The following CHRNA10 variants were observed in gnomAD, a reference collection of about 807,000 sequenced individuals.
CHRNA10 encodes cholinergic receptor nicotinic alpha 10 subunit, also known as neuronal acetylcholine receptor subunit alpha-10.
Under a neutral mutation model 36.0 loss-of-function variants are expected in CHRNA10, and 31 were observed. The observed-to-expected ratio is 0.86, with a 90% CI of 0.65 to 1.16. The LOEUF (loss-of-function observed/expected upper bound fraction) is 1.16, where lower values mean the gene tolerates loss of function less well. Among genes scored for constraint, CHRNA10 ranks in the 50% most tolerant of loss-of-function variants. CHRNA10 has a pLI of 0.00. For missense variants in CHRNA10, 648 were observed against 640.9 expected (o/e 1.01, Z -0.12); for synonymous variants, 302 against 287.0 (o/e 1.05, Z -0.53).
At chr11:3,668,211 G>T (rs1393695425) in intron 3 of CHRNA10, among the ~76,000 whole-genome samples, 1 of 152,188 alleles carries the variant, frequency 6.6e-6, no homozygotes, top group Admixed American at 6.5e-5. Context: ...GGGTACAGCA[G>T]ATTAATAAAC....
intron 4 of CHRNA10, among the ~76,000 whole-genome samples, chr11:3,666,799 C>T (rs1019871707): frequency 2.4e-4 from 37 of 152,150 alleles, no homozygotes; most frequent in Admixed American, 2.4e-3. Context: ...CTGGAGGCTG[C>T]ACTCATACAC....
intron 1 of CHRNA10, among the ~76,000 whole-genome samples, chr11:3,670,881 C>T (rs1241963437): frequency 6.6e-6 from 1 of 152,220 alleles, no homozygotes; most frequent in Non-Finnish European, 1.5e-5. Context: ...TCTACCCCTC[C>T]CATGCCCCAG....
chr11:3,666,064 G>A lies in CHRNA10; in HGVS notation c.*43C>T. ...TTGGCCGTGGCTGTCCCTTTCTGGA[G>A]GAGCTGTGGCTGCAGCAGATCCCTG... On this transcript the variant is annotated 3_prime_UTR_variant, in exon 5 of 5. Transcript: ENST00000250699. 1 of 1,485,856 alleles carries A rather than the reference G, an allele frequency of 6.7e-7. No individual in the cohort carries two copies. Among genetic ancestry groups the A allele is most frequent in the Non-Finnish European group, 9.0e-7 (1 of 1,115,288 alleles). 92.0% of individuals were successfully genotyped at this position (1,485,856 alleles called of 1,614,324 possible).
In CHRNA10 at chr11:3,667,146, C is replaced by T. The variant is rs117205648; in HGVS notation, c.895+86G>A. On this transcript the variant is annotated intron_variant, in intron 4 of 4. Transcript: ENST00000250699. ...CCCCTCTCACTTTCTGCAGTGGGGC[C>T]GTTCCGCAGACCCAGGCCCTGTCGC... 2,150 of 1,435,118 alleles carry T rather than the reference C, an allele frequency of 1.5e-3. 47 individuals are homozygous for T. In the East Asian group the frequency reaches 0.039, roughly 26 times the overall value. 88.9% of individuals were successfully genotyped at this position (1,435,118 alleles called of 1,614,324 possible).
intron 1 of CHRNA10, 57 bp downstream of exon 1, chr11:3,671,195 G>T: frequency 6.5e-7 from 1 of 1,542,598 alleles, no homozygotes. Context: ...GATTTTGGGA[G>T]AACAGGAATA....
intron 4 of CHRNA10, among the ~76,000 whole-genome samples, 190 bp from the exon 5 acceptor site, chr11:3,666,754 C>T (rs903571798): frequency 3.9e-5 from 6 of 152,132 alleles, no homozygotes; most frequent in Admixed American, 1.3e-4. Context: ...CGTGGGTCAT[C>T]GGAAGCTACT....
rs1159160432 is a variant in CHRNA10, at chr11:3,671,240, T to G, written c.61+12A>C. Reference sequence around the variant, plus strand: ...CCAGGAGAGGCCAGGGCTGGTGTACTGAGCTTCATACCTGCAGGGAGTAGA... The same window carrying G: ...CCAGGAGAGGCCAGGGCTGGTGTACGGAGCTTCATACCTGCAGGGAGTAGA... On this transcript the variant is annotated intron_variant, in intron 1 of 4. Coordinates refer to ENST00000250699, the MANE Select transcript of CHRNA10 (RefSeq NM_020402.4). 1 of 1,613,816 alleles carries G rather than the reference T, an allele frequency of 6.2e-7. No homozygotes were observed. The highest frequency in any genetic ancestry group is 8.5e-7 in the Non-Finnish European group (1 of 1,179,790).
chr11:3,666,698 C>T (rs1157690718), intron 4 of CHRNA10, 134 bp from the exon 5 acceptor site: 3 of 677,902 alleles, frequency 4.4e-6, no homozygotes, highest in Non-Finnish European at 7.2e-6. Flanking sequence ...TGGATGGAAG[C>T]AGGAAGGAGG....
At position 3,671,299 on chromosome 11, in the gene CHRNA10, C is replaced by T. The variant is rs758795179; in HGVS notation, c.14G>A (p.Ser5Asn). 6.2e-7 allele frequency: 1 copy of T among 1,614,112 alleles called. No homozygotes were observed. The highest frequency in any genetic ancestry group is 8.5e-7 in the Non-Finnish European group (1 of 1,179,974). Residue 5 changes from serine (S) to asparagine (N), a missense_variant, in exon 1 of 5, where the codon AGC becomes AAC. Transcript: ENST00000250699. ...CAGAAGGCCCAGGCTGAGGTGGTGG[C>T]TCCGGAGCCCCATGGCCCTGGCACT... MGLR[S>N]HHLSLGLLLL...
chr11:3,669,972 C>A, intron 1 of CHRNA10, 31 bp from the exon 2 acceptor site: 1 of 1,613,724 alleles, frequency 6.2e-7, no homozygotes, highest in East Asian at 2.2e-5. Context: ...GTTGTCCATC[C>A]CAGGCCCTAG....
rs2077693845 is a variant in CHRNA10 at position 3,669,186 on chromosome 11, T to C, written c.362+10A>G. 2.5e-6 allele frequency: 4 copies of C among 1,610,030 alleles called. No homozygotes were observed. Among genetic ancestry groups the C allele is most frequent in the African/African-American group, 2.7e-5 (2 of 74,856 alleles). The stretch of plus-strand genomic sequence containing the variant: ...GGGTAAGAGAGAGGAGGGGCCCAGA[T>C]AGGCAGTACTTGTTATAGAGTACGA... On this transcript the variant is annotated intron_variant, in intron 3 of 4. Transcript: ENST00000250699.
chr11:3,671,090 C>T lies in CHRNA10; in HGVS notation c.61+162G>A, dbSNP rs921440867. ...CTAGCCAGGCAAGTCTCCTCTCACG[C>T]ACTTCAGCACCCCTCTCCTCCACAC... On this transcript the variant is annotated intron_variant, in intron 1 of 4. Transcript: ENST00000250699. 2.0e-5 allele frequency: 14 copies of T among 704,888 alleles called. No individual in the cohort carries two copies. The African/African-American group carries it at 2.1e-4, about 11-fold the overall frequency. 43.7% of individuals were successfully genotyped at this position (704,888 alleles called of 1,614,324 possible).
rs750068006 is a variant in CHRNA10, at chr11:3,667,545, C to T, written c.582G>A (p.Ala194=). ...VRPRGAAASL[A]DFVENVEWRV... is the part of the protein sequence containing the mutation. ...GCCACTCCACGTTCTCCACGAAGTC[C>T]GCCAGGCTGGCTGCAGCGCCGCGCG... is the stretch of plus-strand genomic sequence containing the variant. Residue 194 remains alanine (A), a synonymous_variant, in exon 4 of 5, where the codon GCG becomes GCA. Transcript: ENST00000250699. The T allele has an allele frequency of 1.9e-6, 3 of 1,582,740 alleles. No homozygotes were observed. Among genetic ancestry groups the T allele is most frequent in the South Asian group, 1.1e-5 (1 of 89,328 alleles).
intron 1 of CHRNA10, among the ~76,000 whole-genome samples, chr11:3,670,913 C>T (rs1589932704): frequency 6.6e-6 from 1 of 152,228 alleles, no homozygotes; most frequent in African/African-American, 2.4e-5. Flanking sequence ...TAAGCATGCA[C>T]ATCTGACCAG....
In CHRNA10 at chr11:3,669,339, G is replaced by C; in HGVS notation, c.219C>G (p.Asn73Lys). The part of the protein sequence containing the change: ...LSQIIDMDER[N>K]QVLTLYLWIR... ...TCCACAGATACAGGGTCAGCACCTG[G>C]TTCCGTTCATCCTAGTGGGGGCAGG... is the stretch of plus-strand genomic sequence containing the variant. Residue 73 changes from asparagine (N) to lysine (K), a missense_variant, in exon 3 of 5, where the codon AAC becomes AAG. Physicochemically the swap from Asn to Lys is moderately conservative, Grantham distance 94. Coordinates refer to ENST00000250699, the MANE Select transcript of CHRNA10 (RefSeq NM_020402.4). 1 of 1,613,780 alleles carries C rather than the reference G, an allele frequency of 6.2e-7. No homozygotes were observed. Among genetic ancestry groups the C allele is most frequent in the South Asian group, 1.1e-5 (1 of 91,056 alleles).
At position 3,669,283 on chromosome 11, in the gene CHRNA10, C is replaced by A. The variant is rs199674718; in HGVS notation, c.275G>T (p.Arg92Leu). The change falls in exon 3 of 5, where the codon CGA becomes CTA. Residue 92 changes from arginine (R) to leucine (L), a missense_variant. Physicochemically the swap from Arg to Leu is moderately radical, Grantham distance 102 (BLOSUM62 -2). Transcript: ENST00000250699. ...GCCACCATAGGCATTGGGGTCCCAT[C>A]GTAGGTAGGCATCTGTCCACTCCTG... ...IRQEWTDAYL[R>L]WDPNAYGGLD... The A allele has an allele frequency of 6.2e-7, 1 of 1,613,906 alleles. No homozygotes were observed. The highest frequency in any genetic ancestry group is 1.3e-5 in the African/African-American group (1 of 74,876).
chr11:3,666,466 C>G lies in CHRNA10; in HGVS notation c.994G>C (p.Val332Leu). 6.2e-7 allele frequency: 1 copy of G among 1,613,350 alleles called. No homozygotes were observed. Among genetic ancestry groups the G allele is most frequent in the Non-Finnish European group, 8.5e-7 (1 of 1,179,618 alleles). Reference protein sequence around the residue: ...LHYCGPSVRPVPAWARALLLG... With the variant: ...LHYCGPSVRPLPAWARALLLG... ...AGGAGGGCCCTAGCCCAGGCTGGCA[C>G]TGGGCGGACACTGGGACCACAGTAA... is the stretch of plus-strand genomic sequence containing the variant. Residue 332 changes from valine to leucine, a missense_variant, in exon 5 of 5, where the codon GTG becomes CTG. By Grantham distance (32) the Val-to-Leu change is conservative. Coordinates refer to ENST00000250699, the MANE Select transcript of CHRNA10 (RefSeq NM_020402.4).
At position 3,671,069 on chromosome 11, in the gene CHRNA10, C is replaced by T. The variant is rs1481192069; in HGVS notation, c.61+183G>A. ...TCCCCGCTCACTGTTTCCACCCTAG[C>T]CAGGCAAGTCTCCTCTCACGCACTT... On this transcript the variant is annotated intron_variant, in intron 1 of 4. Coordinates refer to ENST00000250699, the MANE Select transcript of CHRNA10 (RefSeq NM_020402.4). The T allele has an allele frequency of 2.1e-5, 13 of 631,714 alleles. No individual in the cohort carries two copies. The South Asian group carries it at 2.2e-4, about 11-fold the overall frequency. The allele number at this position is 631,714 out of a possible 1,614,324, so 39.1% of individuals were successfully genotyped here.
rs976533704 is a variant in CHRNA10, at chr11:3,667,649, C to T, written c.478G>A (p.Ala160Thr). The T allele has an allele frequency of 1.9e-6, 3 of 1,559,960 alleles. No individual in the cohort carries two copies. Among genetic ancestry groups the T allele is most frequent in the Admixed American group, 1.8e-5 (1 of 54,534 alleles). Residue 160 changes from alanine to threonine, a missense_variant, in exon 4 of 5, where the codon GCC (alanine) becomes ACC (threonine). Coordinates refer to ENST00000250699, the MANE Select transcript of CHRNA10 (RefSeq NM_020402.4). ...TRSSCRVDVAAFPFDAQHCGL... is the reference protein window; with the variant it reads ...TRSSCRVDVATFPFDAQHCGL... ...CAGTGCTGGGCGTCGAACGGGAAGG[C>T]TGCTACATCCACGCGGCACGAGCTG...
Sources: gnomAD v4.1 joint callset for allele counts (sites outside exome capture counted in the v4.1 genomes callset) on GRCh38, gnomAD v4.1.1 for gene constraint, MANE v1.5 for transcripts, NCBI Gene and HGNC (gene_info 2026-07-23, HGNC 2026-07-21) for gene names.